The following MAMDC2 variants were observed in gnomAD, a reference collection of about 807,000 sequenced individuals.
MAMDC2 encodes MAM domain containing 2, also known as MAM domain-containing protein 2.
In MAMDC2, 57 loss-of-function variants were observed where a neutral mutation model predicts 89.8. The observed-to-expected ratio is 0.63, with a 90% CI of 0.51 to 0.79. The LOEUF (loss-of-function observed/expected upper bound fraction) is 0.79, where lower values mean the gene tolerates loss of function less well. Among genes scored for constraint, MAMDC2 ranks in the 30% least tolerant of loss-of-function variants. MAMDC2 has a pLI of 0.00. For synonymous variants in MAMDC2, 313 were observed against 293.4 expected (o/e 1.07, Z -0.68); for missense variants, 800 against 820.6 (o/e 0.97, Z 0.31).
At chr9:70,202,338 TTCA>T (rs2033118043) in intron 11 of MAMDC2, among the ~76,000 whole-genome samples, 1 of 152,172 alleles carries the variant, frequency 6.6e-6, no homozygotes, top group Non-Finnish European at 1.5e-5. Flanking sequence ...GAGCAGGCTG[TTCA>T]GTTTCCATGT....
At chr9:70,087,959 A>G (rs12683320) in intron 2 of MAMDC2, among the ~76,000 whole-genome samples, 12,560 of 152,144 alleles carry the variant, frequency 0.083, 750 homozygotes, top group East Asian at 0.21. Context: ...GAATTTCTTG[A>G]TTTTTTTAAA....
At chr9:70,111,701 A>G (rs923592718) in intron 4 of MAMDC2, among the ~76,000 whole-genome samples, 9 of 152,244 alleles carry the variant, frequency 5.9e-5, no homozygotes, top group African/African-American at 1.9e-4. Flanking sequence ...GTAAAAACAC[A>G]TTGCTGACTA....
At chr9:70,126,551 C>G in intron 6 of MAMDC2, 136 bp downstream of exon 6, 1 of 917,504 alleles carries the variant, frequency 1.1e-6, no homozygotes, top group Non-Finnish European at 1.6e-6. Flanking sequence ...TGTATTCTTT[C>G]TCATCCTCAG....
At chr9:70,186,139 T>C (rs1286481273) in intron 11 of MAMDC2, among the ~76,000 whole-genome samples, 1 of 150,344 alleles carries the variant, frequency 6.7e-6, no homozygotes, top group Admixed American at 6.6e-5. Flanking sequence ...ATTTGCTTTA[T>C]ATTTATATGT....
chr9:70,064,060 T>A (rs546068860), intron 2 of MAMDC2, among the ~76,000 whole-genome samples: 10 of 152,184 alleles, frequency 6.6e-5, no homozygotes, highest in African/African-American at 2.4e-4. Context: ...GAAGAATAAA[T>A]CAAATGTGAT....
chr9:70,095,519 A>G (rs960112991), intron 2 of MAMDC2, among the ~76,000 whole-genome samples: 2 of 152,154 alleles, frequency 1.3e-5, no homozygotes, highest in Admixed American at 1.3e-4. Flanking sequence ...AGACACTAAG[A>G]TTTCTTGATT....
At chr9:70,126,723 A>G (rs1346209472) in intron 6 of MAMDC2, among the ~76,000 whole-genome samples, 15 of 152,168 alleles carry the variant, frequency 9.9e-5, no homozygotes, top group Non-Finnish European at 8.8e-5. Flanking sequence ...CACTGTGGTC[A>G]CAGAGGGTTC....
rs140639727 is a variant in MAMDC2, at chr9:70,195,671, A to T, written c.1652-22666A>T. 2.1e-3 allele frequency among the ~76,000 whole-genome samples: 321 copies of T among 152,156 alleles called. 2 individuals carry two copies. Among genetic ancestry groups the T allele is most frequent in the African/African-American group, 7.2e-3 (299 of 41,524 alleles). On this transcript the variant is annotated intron_variant, in intron 11 of 13. Coordinates refer to ENST00000377182, the MANE Select transcript of MAMDC2 (RefSeq NM_153267.5). Reference sequence around the variant, plus strand: ...ATGCTGTCTATGCTCTCTGACCATGAGTCACTTAATAGCCATCTCCATTAT... The same window carrying T: ...ATGCTGTCTATGCTCTCTGACCATGTGTCACTTAATAGCCATCTCCATTAT...
intron 2 of MAMDC2, among the ~76,000 whole-genome samples, chr9:70,074,194 T>C (rs1048748019): frequency 6.6e-6 from 1 of 152,206 alleles, no homozygotes; most frequent in African/African-American, 2.4e-5. Context: ...TCTCAGGCAG[T>C]GGCAAATTCT....
intron 11 of MAMDC2, among the ~76,000 whole-genome samples, chr9:70,184,018 CTGGTTT>C (rs2032698706): frequency 1.3e-5 from 2 of 152,106 alleles, no homozygotes; most frequent in Non-Finnish European, 2.9e-5. Flanking sequence ...GTAGCTGGTA[CTGGTTT>C]TTCCTTTCCA....
intron 11 of MAMDC2, among the ~76,000 whole-genome samples, chr9:70,208,741 G>C (rs1006500844): frequency 2.5e-5 from 1 of 39,244 alleles, no homozygotes; most frequent in Admixed American, 3.2e-4. Flanking sequence ...TCCAGTTTTT[G>C]TCCATTCAGT....
At chr9:70,122,262 T>A (rs111819243) in intron 5 of MAMDC2, among the ~76,000 whole-genome samples, 1 of 152,224 alleles carries the variant, frequency 6.6e-6, no homozygotes, top group South Asian at 2.1e-4. Context: ...TTTGGGCAGA[T>A]CATGTTGTGT....
chr9:70,063,446 G>A (rs532960623), intron 2 of MAMDC2, among the ~76,000 whole-genome samples: 1 of 152,232 alleles, frequency 6.6e-6, no homozygotes, highest in East Asian at 1.9e-4. Context: ...TGATGTGCGT[G>A]TCCTTGTTCA....
intron 2 of MAMDC2, among the ~76,000 whole-genome samples, chr9:70,048,311 G>A (rs899250428): frequency 1.3e-5 from 2 of 152,172 alleles, no homozygotes; most frequent in Non-Finnish European, 2.9e-5. Context: ...GTCTCACTCT[G>A]TTGCCCAGGC....
chr9:70,049,097 A>C (rs1826827687), intron 2 of MAMDC2, among the ~76,000 whole-genome samples: 1 of 152,204 alleles, frequency 6.6e-6, no homozygotes, highest in Middle Eastern at 3.4e-3. Context: ...CCATGGTAGG[A>C]GTCAGGGTTT....
intron 9 of MAMDC2, among the ~76,000 whole-genome samples, chr9:70,166,405 T>G (rs2032181166): frequency 1.3e-5 from 2 of 151,790 alleles, no homozygotes; most frequent in South Asian, 4.2e-4. Context: ...TGCCCATAAT[T>G]TTATGAGTCT....
chr9:70,045,853 G>A (rs1241494797), intron 2 of MAMDC2, among the ~76,000 whole-genome samples: 1 of 152,224 alleles, frequency 6.6e-6, no homozygotes, highest in East Asian at 1.9e-4. Context: ...GGAAGAAACA[G>A]GAAGGAACTG....
intron 2 of MAMDC2, among the ~76,000 whole-genome samples, chr9:70,084,649 T>C (rs1349602824): frequency 6.6e-6 from 1 of 152,174 alleles, no homozygotes; most frequent in African/African-American, 2.4e-5. Context: ...TGATTAATAA[T>C]CTAAATGTGC....
intron 2 of MAMDC2, among the ~76,000 whole-genome samples, chr9:70,057,123 G>A (rs1827041212): frequency 6.6e-6 from 1 of 152,104 alleles, no homozygotes; most frequent in Non-Finnish European, 1.5e-5. Context: ...CCACCCCCTG[G>A]TTTGTGGGAA....
Sources: gnomAD v4.1 joint callset for allele counts (sites outside exome capture counted in the v4.1 genomes callset) on GRCh38, gnomAD v4.1.1 for gene constraint, MANE v1.5 for transcripts, NCBI Gene and HGNC (gene_info 2026-07-23, HGNC 2026-07-21) for gene names.